The following MCC variants were observed in gnomAD, a reference collection of about 807,000 sequenced individuals.
The protein encoded by MCC is colorectal mutant cancer protein.
A neutral mutation model predicts 116.2 loss-of-function variants in MCC; 90 were observed. The observed-to-expected ratio is 0.77, with a 90% CI of 0.65 to 0.92. The LOEUF (loss-of-function observed/expected upper bound fraction) is 0.92, where lower values mean the gene tolerates loss of function less well. Ranked by LOEUF, MCC falls within the 40% of genes least tolerant of loss-of-function variation. MCC has a pLI of 0.00. For missense variants in MCC, 1,516 were observed against 1,312.2 expected, an observed-to-expected ratio of 1.16 and a Z score of -2.40; for synonymous variants, 578 against 510.5, an observed-to-expected ratio of 1.13 and a Z score of -1.78.
chr5:113,341,711 A>G (rs191511515), intron 2 of MCC, among the ~76,000 whole-genome samples: 147 of 152,338 alleles, frequency 9.6e-4, no homozygotes, highest in African/African-American at 3.4e-3. Flanking sequence ...ACCATGTGGT[A>G]CAGATGGTGG....
chr5:113,324,165 G>C (rs993443125), intron 3 of MCC, among the ~76,000 whole-genome samples: 2 of 152,084 alleles, frequency 1.3e-5, no homozygotes, highest in Non-Finnish European at 2.9e-5. Flanking sequence ...TAGAACCCCA[G>C]AATCCTTTCT....
intron 1 of MCC, among the ~76,000 whole-genome samples, chr5:113,445,062 T>C (rs1041016919): frequency 6.6e-6 from 1 of 152,340 alleles, no homozygotes; most frequent in Middle Eastern, 3.4e-3. Flanking sequence ...GTAACCCAGA[T>C]ACAGCCCAGA....
intron 3 of MCC, among the ~76,000 whole-genome samples, chr5:113,223,687 C>G (rs1011037833): frequency 6.6e-6 from 1 of 152,020 alleles, no homozygotes; most frequent in Non-Finnish European, 1.5e-5. Context: ...CTAGCCTAGA[C>G]CACAGAATGA....
intron 14 of MCC, among the ~76,000 whole-genome samples, chr5:113,063,466 G>A (rs1280505411): frequency 6.6e-6 from 1 of 152,186 alleles, no homozygotes; most frequent in East Asian, 1.9e-4. Flanking sequence ...CTGTGAATGT[G>A]GCATCATTCC....
chr5:113,300,193 G>GA (rs746097330), intron 3 of MCC, among the ~76,000 whole-genome samples: 2 of 152,120 alleles, frequency 1.3e-5, no homozygotes, highest in African/African-American at 4.8e-5. Context: ...GCAATCTTGA[G>GA]AAAAAACCCT....
chr5:113,260,318 A>C (rs190235687), intron 3 of MCC, among the ~76,000 whole-genome samples: 111 of 152,306 alleles, frequency 7.3e-4, no homozygotes, highest in African/African-American at 2.6e-3. Flanking sequence ...TTCCAAAAGA[A>C]AATTTACTAA....
At chr5:113,343,093 C>G (rs1170331602) in intron 2 of MCC, among the ~76,000 whole-genome samples, 2 of 152,282 alleles carry the variant, frequency 1.3e-5, no homozygotes, top group Non-Finnish European at 2.9e-5. Context: ...TAATTACATA[C>G]AGCAAACTGC....
At chr5:113,031,647 ACT>A (rs1411851559) in intron 17 of MCC, among the ~76,000 whole-genome samples, 16 of 151,920 alleles carry the variant, frequency 1.1e-4, no homozygotes, top group Admixed American at 1.0e-3. Context: ...ACAACAAAAA[ACT>A]CTGGGATGCT....
intron 1 of MCC, among the ~76,000 whole-genome samples, chr5:113,465,270 G>A (rs1771869751): frequency 6.6e-6 from 1 of 151,700 alleles, no homozygotes; most frequent in Admixed American, 6.6e-5. Flanking sequence ...ATTAAATTAT[G>A]TATTTTCAAG....
At chr5:113,331,574 G>A (rs1767696871) in intron 3 of MCC, among the ~76,000 whole-genome samples, 2 of 151,600 alleles carry the variant, frequency 1.3e-5, no homozygotes, top group Non-Finnish European at 2.9e-5. Flanking sequence ...CCTTCTCTCT[G>A]TAGGTAGAAA....
chr5:113,486,041 C>A (rs540344285), intron 1 of MCC, among the ~76,000 whole-genome samples: 2 of 152,182 alleles, frequency 1.3e-5, no homozygotes, highest in Non-Finnish European at 2.9e-5. Context: ...CCCTTACCTT[C>A]ATTAGCCCCA....
chr5:113,063,910 C>G (rs1580964766), intron 14 of MCC, 74 bp downstream of exon 14: 1 of 1,477,064 alleles, frequency 6.8e-7, no homozygotes, highest in East Asian at 2.4e-5. Context: ...AGAGCTGGGT[C>G]ACTGCACACC....
At chr5:113,034,543 C>G (rs1316283266) in intron 17 of MCC, among the ~76,000 whole-genome samples, 1 of 152,228 alleles carries the variant, frequency 6.6e-6, no homozygotes, top group Admixed American at 6.5e-5. Flanking sequence ...CACAGCTGGC[C>G]AGGAAACCTT....
In MCC at chr5:113,434,196, G is replaced by C; in HGVS notation, c.171-48984C>G. 6.2e-7 allele frequency: 1 copy of C among 1,614,114 alleles called. No homozygotes were observed. Among genetic ancestry groups the C allele is most frequent in the East Asian group, 2.2e-5 (1 of 44,886 alleles). The stretch of plus-strand genomic sequence containing the variant: ...CTTCTTGATGTTGGAGTCGTCGTAG[G>C]GCATGGAGCCGCAGACCATGATGTA... On this transcript the variant is annotated intron_variant, in intron 1 of 18. Transcript: ENST00000408903. This position sits in a 1 kb window ranked among gnomAD's most constrained non-coding sequence, Gnocchi z 4.2.
intron 3 of MCC, among the ~76,000 whole-genome samples, chr5:113,292,540 G>A (rs1345047206): frequency 2.6e-5 from 4 of 152,082 alleles, no homozygotes; most frequent in African/African-American, 9.7e-5. Flanking sequence ...TTGCCTACAA[G>A]CTTTATAGGG....
At chr5:113,467,590 T>C (rs543677366) in intron 1 of MCC, among the ~76,000 whole-genome samples, 1 of 152,290 alleles carries the variant, frequency 6.6e-6, no homozygotes, top group Non-Finnish European at 1.5e-5. Flanking sequence ...ACTGTAGCCT[T>C]GTAGTATAGT....
At chr5:113,027,515 A>C in intron 18 of MCC, 33 bp from the exon 19 acceptor site, 1 of 1,603,860 alleles carries the variant, frequency 6.2e-7, no homozygotes, top group East Asian at 2.2e-5. Flanking sequence ...TGGTATTAAG[A>C]TTCATCCTAA....
chr5:113,124,166 TGAATTAGA>T (rs1194076034), intron 5 of MCC, among the ~76,000 whole-genome samples: 1 of 152,188 alleles, frequency 6.6e-6, no homozygotes. Context: ...ATGGAAAATA[TGAATTAGA>T]GAGTGGTGAA....
At chr5:113,200,958 G>T (rs572429959) in intron 3 of MCC, among the ~76,000 whole-genome samples, 1 of 152,346 alleles carries the variant, frequency 6.6e-6, no homozygotes, top group Non-Finnish European at 1.5e-5. Context: ...TTAACATTCT[G>T]CCATAGGTGA....
Sources: gnomAD v4.1 joint callset for allele counts (sites outside exome capture counted in the v4.1 genomes callset) on GRCh38, gnomAD v4.1.1 for gene constraint, Gnocchi (gnomAD v3.1) non-coding constraint, MANE v1.5 for transcripts, NCBI Gene and HGNC (gene_info 2026-07-23, HGNC 2026-07-21) for gene names.